Variants in ARK2C observed in about 807,000 individuals in gnomAD.
The protein encoded by ARK2C is E3 ubiquitin-protein ligase ARK2C.
the ARK2C span, among the ~76,000 whole-genome samples, chr18:46,411,720 C>CTCAGATATGGG: frequency 6.6e-6 from 1 of 152,190 alleles, no homozygotes; most frequent in Non-Finnish European, 1.5e-5. Context: ...CTGAAGGAAT[C>CTCAGATATGGG]TCAGATATGG....
the ARK2C span, among the ~76,000 whole-genome samples, chr18:46,356,043 G>A: frequency 2.6e-5 from 4 of 152,156 alleles, no homozygotes; most frequent in African/African-American, 9.6e-5. Context: ...CGGCCAGGAC[G>A]AACTTGGCTC....
At chr18:46,431,627 A>C in the ARK2C span, among the ~76,000 whole-genome samples, 5 of 151,178 alleles carry the variant, frequency 3.3e-5, no homozygotes, top group Admixed American at 1.3e-4. Context: ...CTTTCACTTA[A>C]TCCTGCTGTG....
chr18:46,350,697 T>G, the ARK2C span, among the ~76,000 whole-genome samples: 69 of 152,144 alleles, frequency 4.5e-4, no homozygotes, highest in African/African-American at 1.6e-3. Context: ...GAGAGACTCC[T>G]TAGCTAGTGC....
At chr18:46,347,924 C>T in the ARK2C span, among the ~76,000 whole-genome samples, 7 of 152,194 alleles carry the variant, frequency 4.6e-5, no homozygotes, top group East Asian at 1.9e-4. Context: ...GACCAGGCCC[C>T]GTGCAGGCAT....
At chr18:46,381,533 C>T in the ARK2C span, among the ~76,000 whole-genome samples, 2 of 152,234 alleles carry the variant, frequency 1.3e-5, no homozygotes, top group Non-Finnish European at 2.9e-5. Flanking sequence ...GAAAAACATC[C>T]TTCAAGACTC....
the ARK2C span, among the ~76,000 whole-genome samples, chr18:46,420,137 C>T: frequency 1.3e-5 from 2 of 152,188 alleles, no homozygotes; most frequent in Non-Finnish European, 2.9e-5. Flanking sequence ...CCTCCACTCA[C>T]CGGCTGCTGT....
the ARK2C span, among the ~76,000 whole-genome samples, chr18:46,451,780 G>A: frequency 6.6e-6 from 1 of 152,188 alleles, no homozygotes; most frequent in African/African-American, 2.4e-5. Flanking sequence ...ATTCTAGCCT[G>A]GACAACAGAG....
At chr18:46,368,168 C>T in the ARK2C span, among the ~76,000 whole-genome samples, 1 of 152,204 alleles carries the variant, frequency 6.6e-6, no homozygotes, top group Non-Finnish European at 1.5e-5. Flanking sequence ...AGACTTTGTG[C>T]TTGAGGAAAA....
chr18:46,437,464 T>C, the ARK2C span, among the ~76,000 whole-genome samples: 1 of 152,084 alleles, frequency 6.6e-6, no homozygotes, highest in African/African-American at 2.4e-5. Flanking sequence ...GTCTGTTGCA[T>C]CCCCTATCCC....
the ARK2C span, among the ~76,000 whole-genome samples, chr18:46,345,418 G>C: frequency 6.6e-6 from 1 of 152,178 alleles, no homozygotes; most frequent in Non-Finnish European, 1.5e-5. Context: ...ACAAGTCTCA[G>C]TTTCCCCCAG....
the ARK2C span, among the ~76,000 whole-genome samples, chr18:46,393,513 C>T: frequency 1.1e-4 from 16 of 152,240 alleles, no homozygotes; most frequent in African/African-American, 3.9e-4. Flanking sequence ...AGCTTCATAC[C>T]CTGTCTGGAC....
chr18:46,426,200 T>C, the ARK2C span, among the ~76,000 whole-genome samples: 2 of 152,224 alleles, frequency 1.3e-5, no homozygotes, highest in Admixed American at 6.5e-5. Context: ...CCCTGGGCTC[T>C]GTTCCCTTCT....
chr18:46,454,657 C>T, the ARK2C span, among the ~76,000 whole-genome samples: 1 of 152,182 alleles, frequency 6.6e-6, no homozygotes, highest in Non-Finnish European at 1.5e-5. Context: ...ACTTGGCATC[C>T]GGGCCTTGCC....
chr18:46,392,453 C>A, the ARK2C span, among the ~76,000 whole-genome samples: 1 of 152,190 alleles, frequency 6.6e-6, no homozygotes, highest in African/African-American at 2.4e-5. Context: ...CCACATTTGG[C>A]GGGAATGGAC....
At chr18:46,433,862 G>A in the ARK2C span, among the ~76,000 whole-genome samples, 73 of 152,162 alleles carry the variant, frequency 4.8e-4, no homozygotes, top group Non-Finnish European at 2.1e-4. Flanking sequence ...TGCATGGTGC[G>A]GGAGGAAATT....
At chr18:46,413,002 C>T in the ARK2C span, among the ~76,000 whole-genome samples, 4 of 152,132 alleles carry the variant, frequency 2.6e-5, no homozygotes, top group Non-Finnish European at 4.4e-5. Context: ...ACAACACAGC[C>T]CCCTCTCCGA....
chr18:46,407,756 T>C, the ARK2C span, among the ~76,000 whole-genome samples: 1 of 152,174 alleles, frequency 6.6e-6, no homozygotes, highest in East Asian at 1.9e-4. Flanking sequence ...TTGAGACATA[T>C]CTGGAGAATA....
the ARK2C span, among the ~76,000 whole-genome samples, chr18:46,358,094 T>G: frequency 6.6e-6 from 1 of 152,286 alleles, no homozygotes; most frequent in East Asian, 1.9e-4. Flanking sequence ...TGTTTCCAAA[T>G]AAGGTCACAC....
the ARK2C span, among the ~76,000 whole-genome samples, chr18:46,396,803 T>C: frequency 6.6e-6 from 1 of 152,190 alleles, no homozygotes; most frequent in African/African-American, 2.4e-5. Context: ...GCTCAGGGCA[T>C]CCAAGGACGG....
Sources: allele counts gnomAD v4.1 joint callset (sites outside exome capture counted in the v4.1 genomes callset), GRCh38; gene constraint gnomAD v4.1.1; transcripts MANE v1.5; gene names NCBI Gene and HGNC (gene_info 2026-07-23, HGNC 2026-07-21).